Variants in KHDRBS2 observed in about 807,000 individuals in gnomAD.
KHDRBS2 encodes KH domain-containing, RNA-binding, signal transduction-associated protein 2.
KHDRBS2 carries 26 observed loss-of-function variants against 44.3 expected under a neutral mutation model. The observed-to-expected ratio is 0.59, with a 90% CI of 0.43 to 0.81. The LOEUF is 0.81. Ranked by LOEUF, KHDRBS2 falls within the 40% of genes least tolerant of loss-of-function variation. The probability of loss-of-function intolerance (pLI) is 0.00; values close to 1 mark genes in which losing one functional copy is unlikely to be tolerated. For synonymous variants in KHDRBS2, 194 were observed against 151.1 expected (o/e 1.28, Z -2.08); for missense variants, 476 against 433.1 (o/e 1.10, Z -0.88).
At chr6:62,089,698 A>C (rs1799132682) in intron 2 of KHDRBS2, among the ~76,000 whole-genome samples, 1 of 152,108 alleles carries the variant, frequency 6.6e-6, no homozygotes, top group Admixed American at 6.5e-5. Context: ...AATCCTGGAA[A>C]GTTCTGTCTT....
chr6:62,282,331 A>G (rs1286835999), intron 1 of KHDRBS2, among the ~76,000 whole-genome samples: 2 of 152,174 alleles, frequency 1.3e-5, no homozygotes, highest in African/African-American at 4.8e-5. Flanking sequence ...TAGCGCCTAC[A>G]GTTTTTTGAA....
intron 3 of KHDRBS2, among the ~76,000 whole-genome samples, chr6:61,984,112 C>T (rs1197341169): frequency 6.6e-6 from 1 of 152,138 alleles, no homozygotes; most frequent in Non-Finnish European, 1.5e-5. Flanking sequence ...CACCAGAACA[C>T]TTGCACCTTC....
chr6:61,894,505 G>A, intron 6 of KHDRBS2, 130 bp downstream of exon 6: 1 of 720,974 alleles, frequency 1.4e-6, no homozygotes, highest in South Asian at 2.0e-5. Flanking sequence ...CTTAAATTCT[G>A]TTGTAAATGA....
chr6:61,552,733 T>C, the KHDRBS2 span, among the ~76,000 whole-genome samples: 1 of 152,206 alleles, frequency 6.6e-6, no homozygotes, highest in South Asian at 2.1e-4. Flanking sequence ...ATCAAAAGCC[T>C]TTTCTGCATG....
At chr6:61,734,939 G>A (rs1380385116) in intron 6 of KHDRBS2, among the ~76,000 whole-genome samples, 2 of 152,110 alleles carry the variant, frequency 1.3e-5, no homozygotes, top group African/African-American at 2.4e-5. Context: ...AGGCCTGAAG[G>A]CCAAGGTGTT....
At chr6:61,608,997 C>T in the KHDRBS2 span, among the ~76,000 whole-genome samples, 3,715 of 152,250 alleles carry the variant, frequency 0.024, 71 homozygotes, top group Middle Eastern at 0.085. Context: ...GGTTCTAGAT[C>T]CTGGAGGAAT....
chr6:61,814,002 G>C (rs1274018032), intron 6 of KHDRBS2: 1 of 455,858 alleles, frequency 2.2e-6, no homozygotes, highest in East Asian at 6.9e-5. Flanking sequence ...TTCGTCCTGG[G>C]TTAAGTCTGG....
At chr6:61,812,078 C>T (rs1788211763) in intron 6 of KHDRBS2, among the ~76,000 whole-genome samples, 1 of 151,702 alleles carries the variant, frequency 6.6e-6, no homozygotes, top group Non-Finnish European at 1.5e-5. Context: ...ATTCTGTATA[C>T]ATTTTCTTTT....
At chr6:61,918,906 C>T (rs987633837) in intron 4 of KHDRBS2, among the ~76,000 whole-genome samples, 38 of 151,828 alleles carry the variant, frequency 2.5e-4, no homozygotes, top group African/African-American at 8.2e-4. Context: ...AGATAGGCTG[C>T]TTTTTAGGCC....
chr6:61,734,717 C>G (rs1352579118), intron 6 of KHDRBS2, among the ~76,000 whole-genome samples: 1 of 152,012 alleles, frequency 6.6e-6, no homozygotes, highest in South Asian at 2.1e-4. Context: ...TTTCTTCCAA[C>G]GTTAATAATT....
chr6:61,543,254 A>T, the KHDRBS2 span, among the ~76,000 whole-genome samples: 1 of 152,008 alleles, frequency 6.6e-6, no homozygotes, highest in Non-Finnish European at 1.5e-5. Context: ...TCTCAAAAAA[A>T]CTCTACAGGA....
chr6:62,094,996 T>TACC (rs960164873), intron 2 of KHDRBS2, among the ~76,000 whole-genome samples: 6 of 152,032 alleles, frequency 3.9e-5, no homozygotes, highest in African/African-American at 1.4e-4. Context: ...GGTAGTGTGC[T>TACC]ACCACCAGCT....
chr6:61,955,685 T>C (rs1482120749), intron 4 of KHDRBS2, among the ~76,000 whole-genome samples: 1 of 124,738 alleles, frequency 8.0e-6, no homozygotes, highest in South Asian at 2.3e-4. Flanking sequence ...CATATGTATG[T>C]ATACATATAT....
At chr6:62,096,222 C>T (rs1320412611) in intron 2 of KHDRBS2, among the ~76,000 whole-genome samples, 1 of 151,818 alleles carries the variant, frequency 6.6e-6, no homozygotes, top group Non-Finnish European at 1.5e-5. Flanking sequence ...CAAAGCTGGT[C>T]TAATAGAATC....
rs190857587 is a variant in KHDRBS2, at chr6:62,187,511, T to G, written c.92-10199A>C. ...TTATAATGTAATTCAGAAAGATATT[T>G]TTTAAAAGTTTTACTAATGTAAGTT... On this transcript the variant is annotated intron_variant, in intron 1 of 8. Transcript: ENST00000281156. Among the ~76,000 whole-genome samples the G allele has an allele frequency of 4.3e-4, 66 of 152,270 alleles. 1 individual carries two copies. Among genetic ancestry groups the G allele is most frequent in the Admixed American group, 5.2e-4 (8 of 15,292 alleles).
the KHDRBS2 span, among the ~76,000 whole-genome samples, chr6:61,636,318 A>G: frequency 6.6e-6 from 1 of 152,166 alleles, no homozygotes; most frequent in East Asian, 1.9e-4. Flanking sequence ...CCTCTAAAAC[A>G]TTGAATTCTA....
the KHDRBS2 span, among the ~76,000 whole-genome samples, chr6:61,638,133 C>A: frequency 6.6e-6 from 1 of 152,080 alleles, no homozygotes; most frequent in African/African-American, 2.4e-5. Flanking sequence ...CAATGACTTT[C>A]TTCTCAGAAT....
chr6:62,169,134 C>CGTATATAT (rs1819372748), intron 2 of KHDRBS2, among the ~76,000 whole-genome samples: 5 of 117,456 alleles, frequency 4.3e-5, no homozygotes, highest in African/African-American at 1.6e-4. Context: ...TATACATATA[C>CGTATATAT]ACACATATAT....
intron 7 of KHDRBS2, among the ~76,000 whole-genome samples, chr6:61,701,902 C>A (rs1292630178): frequency 6.6e-6 from 1 of 151,920 alleles, no homozygotes; most frequent in Non-Finnish European, 1.5e-5. Flanking sequence ...GAAAGATAAT[C>A]TAACATTTTT....
Sources: gnomAD v4.1 joint callset for allele counts (sites outside exome capture counted in the v4.1 genomes callset) on GRCh38, gnomAD v4.1.1 for gene constraint, MANE v1.5 for transcripts, NCBI Gene and HGNC (gene_info 2026-07-23, HGNC 2026-07-21) for gene names.